Variants in MME observed in about 807,000 individuals in gnomAD.
MME encodes the protein membrane metalloendopeptidase.
In MME, 98 loss-of-function variants were observed where a neutral mutation model predicts 113.2. The observed-to-expected ratio is 0.87, with a 90% confidence interval of 0.74 to 1.02. MME has a LOEUF of 1.02. MME is among the 50% of genes least tolerant of loss of function. The pLI is 0.00. For missense variants in MME, 836 were observed against 896.0 expected (o/e 0.93, Z 0.86); for synonymous variants, 292 against 300.6 (o/e 0.97, Z 0.30).
intron 22 of MME, among the ~76,000 whole-genome samples, chr3:155,178,149 T>C (rs1290169372): frequency 2.0e-5 from 3 of 152,176 alleles, no homozygotes; most frequent in East Asian, 1.9e-4. Flanking sequence ...AGTGGACTAA[T>C]ATATAAATTC....
At chr3:155,053,459 A>T (rs1383990945) in intron 1 of MME, among the ~76,000 whole-genome samples, 4 of 152,210 alleles carry the variant, frequency 2.6e-5, no homozygotes, top group African/African-American at 9.6e-5. Context: ...AGAGTGAAGG[A>T]GAAGCCCCTT....
At chr3:155,040,739 T>G (rs1055330348) in intron 1 of MME, among the ~76,000 whole-genome samples, 4 of 152,132 alleles carry the variant, frequency 2.6e-5, no homozygotes, top group Non-Finnish European at 1.5e-5. Context: ...AAAAAAAGAC[T>G]GGCCTATATT....
intron 8 of MME, among the ~76,000 whole-genome samples, chr3:155,124,765 A>AGTCT (rs1719464299): frequency 6.6e-6 from 1 of 151,932 alleles, no homozygotes; most frequent in Non-Finnish European, 1.5e-5. Context: ...TTGAGGAGGC[A>AGTCT]GTCTGCCGGT....
chr3:155,064,183 G>A (rs945044288), intron 1 of MME, among the ~76,000 whole-genome samples: 7 of 151,974 alleles, frequency 4.6e-5, no homozygotes, highest in African/African-American at 1.2e-4. Flanking sequence ...CAGGTAGTCG[G>A]GAGGCTGAGA....
chr3:155,148,755 A>T (rs1254048134), intron 16 of MME, 102 bp downstream of exon 16: 1 of 860,974 alleles, frequency 1.2e-6, no homozygotes, highest in Non-Finnish European at 1.9e-6. Context: ...AAATATTAAA[A>T]AGTACAAAGT....
At chr3:155,056,521 G>A (rs1044768578) in intron 1 of MME, among the ~76,000 whole-genome samples, 1 of 147,768 alleles carries the variant, frequency 6.8e-6, no homozygotes, top group Admixed American at 6.7e-5. Flanking sequence ...CATTTTTTAT[G>A]GCTGCATAGT....
chr3:155,087,283 T>A (rs531168480), intron 3 of MME, among the ~76,000 whole-genome samples: 1 of 151,092 alleles, frequency 6.6e-6, no homozygotes, highest in South Asian at 2.1e-4. Context: ...TTTTGATGGA[T>A]TTTTTTGCTC....
chr3:155,056,626 C>T (rs897675441), intron 1 of MME, among the ~76,000 whole-genome samples: 16 of 151,300 alleles, frequency 1.1e-4, no homozygotes, highest in African/African-American at 3.7e-4. Flanking sequence ...TGAATAGTGC[C>T]GCAATAAACA....
chr3:155,133,038 C>CT lies in MME; in HGVS notation c.721-5063dup, dbSNP rs1412712607. On this transcript the variant is annotated intron_variant, in intron 8 of 22. Coordinates refer to ENST00000360490, the MANE Select transcript of MME (RefSeq NM_007289.4). ...CCTGGGCAACAAGAGCAAACCCCGT[C>CT]TAAAAAAAAAAAAAAAAAAAAAAAA... is the stretch of plus-strand genomic sequence containing the variant. Among the ~76,000 whole-genome samples the CT allele has an allele frequency of 9.3e-3, 181 of 19,374 alleles. 2 individuals carry two copies. The highest frequency in any genetic ancestry group is 0.025 in the African/African-American group (161 of 6,526). 12.7% of individuals were successfully genotyped at this position (19,374 alleles called of 152,430 possible).
At chr3:155,151,006 A>T (rs61760367) in intron 16 of MME, among the ~76,000 whole-genome samples, 2 of 152,116 alleles carry the variant, frequency 1.3e-5, no homozygotes, top group Non-Finnish European at 2.9e-5. Context: ...AGTTGGCTGG[A>T]CATGGTGGCT....
At chr3:155,154,078 A>G (rs1286889406) in intron 16 of MME, among the ~76,000 whole-genome samples, 1 of 152,202 alleles carries the variant, frequency 6.6e-6, no homozygotes, top group African/African-American at 2.4e-5. Context: ...ATTCTCTGGA[A>G]TCAATATGTC....
intron 1 of MME, among the ~76,000 whole-genome samples, chr3:155,032,596 G>T (rs1164031985): frequency 6.6e-6 from 1 of 152,202 alleles, no homozygotes; most frequent in Non-Finnish European, 1.5e-5. Flanking sequence ...AGCCTCAACA[G>T]ATGCCCACTG....
intron 1 of MME, among the ~76,000 whole-genome samples, chr3:155,037,876 G>C (rs1713176374): frequency 6.6e-6 from 1 of 152,180 alleles, no homozygotes; most frequent in East Asian, 1.9e-4. Flanking sequence ...GAATTCAAGA[G>C]TGAATAAAAA....
intron 15 of MME, 151 bp downstream of exon 15, chr3:155,147,375 T>C (rs1721600987): frequency 3.1e-6 from 2 of 655,502 alleles, no homozygotes. Flanking sequence ...CAGAATGATA[T>C]TTGTTTTAGC....
At chr3:155,030,628 C>T (rs543044649) in intron 1 of MME, among the ~76,000 whole-genome samples, 1 of 151,910 alleles carries the variant, frequency 6.6e-6, no homozygotes, top group Non-Finnish European at 1.5e-5. Flanking sequence ...TACATCTTAA[C>T]AAAGTTTATG....
chr3:155,142,624 T>A (rs1381504632), intron 12 of MME, among the ~76,000 whole-genome samples: 1 of 152,192 alleles, frequency 6.6e-6, no homozygotes, highest in Non-Finnish European at 1.5e-5. Context: ...TTGTTGTTAC[T>A]GTGTTAAAAG....
chr3:155,054,791 T>C (rs575139349), intron 1 of MME, among the ~76,000 whole-genome samples: 1 of 152,194 alleles, frequency 6.6e-6, no homozygotes, highest in African/African-American at 2.4e-5. Context: ...CACTCTTGCC[T>C]GGGCAACAAG....
At chr3:155,116,126 GT>G (rs933864349) in intron 4 of MME, among the ~76,000 whole-genome samples, 28 of 146,342 alleles carry the variant, frequency 1.9e-4, no homozygotes, top group South Asian at 1.3e-3. Flanking sequence ...CTGTGTTATT[GT>G]TTTTTTTTAA....
At chr3:155,061,095 C>G (rs547089422) in intron 1 of MME, among the ~76,000 whole-genome samples, 38 of 152,282 alleles carry the variant, frequency 2.5e-4, no homozygotes, top group African/African-American at 8.9e-4. Flanking sequence ...TATACATTAT[C>G]AAATGATCAT....
Sources: gnomAD v4.1 joint callset for allele counts (sites outside exome capture counted in the v4.1 genomes callset) on GRCh38, gnomAD v4.1.1 for gene constraint, MANE v1.5 for transcripts, NCBI Gene and HGNC (gene_info 2026-07-23, HGNC 2026-07-21) for gene names.